The following MERTK variants were observed in gnomAD, a reference collection of about 807,000 sequenced individuals.
MERTK encodes MER proto-oncogene, tyrosine kinase, also known as tyrosine-protein kinase Mer.
A neutral mutation model predicts 99.3 loss-of-function variants in MERTK; 69 were observed. That is an observed-to-expected ratio of 0.70 (90% CI 0.57 to 0.85). The LOEUF (loss-of-function observed/expected upper bound fraction) is 0.85, where lower values mean the gene tolerates loss of function less well. MERTK is among the 40% of genes least tolerant of loss of function. The pLI is 0.00. For synonymous variants in MERTK, 426 were observed against 467.6 expected (o/e 0.91, Z 1.15); for missense variants, 1,125 against 1,249.4 (o/e 0.90, Z 1.50).
At chr2:111,899,906 T>G (rs1454702070) in intron 1 of MERTK, among the ~76,000 whole-genome samples, 1 of 151,488 alleles carries the variant, frequency 6.6e-6, no homozygotes, top group African/African-American at 2.4e-5. Flanking sequence ...ATTTGGGGAG[T>G]GAGTGATGAA....
Position 111,982,930 on chromosome 2 carries a change from G to C in MERTK, c.1233G>C (p.Lys411Asn), listed in dbSNP as rs762917462. ...TCAGATGGATGAAGCCTCCGACTAA[G>C]CAGCAGGATGGAGAACTGGTGGGCT... ...VDIRWMKPPT[K>N]QQDGELVGYR... is the part of the protein sequence containing the mutation. Residue 411 changes from lysine (K) to asparagine (N), a missense_variant, in exon 8 of 19, where the codon AAG becomes AAC. Coordinates refer to ENST00000295408, the MANE Select transcript of MERTK (RefSeq NM_006343.3). 4.3e-6 allele frequency: 7 copies of C among 1,614,032 alleles called. No individual in the cohort carries two copies. In the African/African-American group the frequency reaches 9.3e-5, roughly 22 times the overall value.
chr2:111,978,156 T>G (rs1473053278), intron 7 of MERTK, among the ~76,000 whole-genome samples: 14 of 144,902 alleles, frequency 9.7e-5, no homozygotes, highest in Non-Finnish European at 4.6e-5. Flanking sequence ...TTGTTTTTTG[T>G]TTTTTTTTTT....
chr2:112,011,932 A>T (rs1282197655), intron 15 of MERTK, among the ~76,000 whole-genome samples: 3 of 152,108 alleles, frequency 2.0e-5, no homozygotes, highest in African/African-American at 7.2e-5. Flanking sequence ...ACAATTGGTT[A>T]TTCACAGTGA....
intron 6 of MERTK, among the ~76,000 whole-genome samples, chr2:111,972,737 A>G (rs577129018): frequency 6.6e-6 from 1 of 152,330 alleles, no homozygotes; most frequent in African/African-American, 2.4e-5. Flanking sequence ...GTTAAACTGC[A>G]TGAATAATGT....
chr2:111,982,654 C>T (rs191668792), intron 7 of MERTK, among the ~76,000 whole-genome samples, 188 bp from the exon 8 acceptor site: 3 of 152,284 alleles, frequency 2.0e-5, no homozygotes, highest in Admixed American at 1.3e-4. Context: ...AAAGGGCTCA[C>T]TTATTTAAAA....
At chr2:111,952,260 C>T (rs1685071986) in intron 4 of MERTK, 1 of 161,328 alleles carries the variant, frequency 6.2e-6, no homozygotes, top group Non-Finnish European at 1.4e-5. Context: ...ATCAATCTGA[C>T]AGTGTTCATA....
intron 18 of MERTK, among the ~76,000 whole-genome samples, chr2:112,023,742 C>A (rs1250284048): frequency 6.6e-6 from 1 of 152,156 alleles, no homozygotes; most frequent in African/African-American, 2.4e-5. Flanking sequence ...AGTCTCCTCC[C>A]TGTATAATAA....
intron 9 of MERTK, 101 bp downstream of exon 9, chr2:111,994,505 G>T: frequency 6.6e-7 from 1 of 1,518,882 alleles, no homozygotes. Flanking sequence ...ATTAAAGAAT[G>T]AAAAATAAGG....
rs115355426 is a variant in MERTK at position 111,919,865 on chromosome 2, C to G, written c.62-9255C>G. Among the ~76,000 whole-genome samples the G allele has an allele frequency of 5.2e-3, 785 of 149,676 alleles. 6 individuals carry two copies. The highest frequency in any genetic ancestry group is 0.019 in the African/African-American group (758 of 40,598). ...CAGGGGCAGTAGGAAGGTCACCCCA[C>G]TGATAAGCAAGCCCCTTGTGCTTTT... On this transcript the variant is annotated intron_variant, in intron 1 of 18. Coordinates refer to ENST00000295408, the MANE Select transcript of MERTK (RefSeq NM_006343.3).
chr2:112,002,118 T>C (rs1274348753), intron 11 of MERTK, among the ~76,000 whole-genome samples: 1 of 152,110 alleles, frequency 6.6e-6, no homozygotes, highest in Non-Finnish European at 1.5e-5. Context: ...TTAACTGTGG[T>C]CCAGACTGAA....
chr2:111,941,684 A>T (rs1230742367), intron 2 of MERTK, among the ~76,000 whole-genome samples: 1 of 151,438 alleles, frequency 6.6e-6, no homozygotes, highest in Non-Finnish European at 1.5e-5. Context: ...TTTCCCTTGG[A>T]TGTCTAGAAA....
chr2:111,921,842 T>A (rs902636808), intron 1 of MERTK, among the ~76,000 whole-genome samples: 2 of 152,104 alleles, frequency 1.3e-5, no homozygotes, highest in Non-Finnish European at 1.5e-5. Flanking sequence ...ATCCTCCCGC[T>A]TCGGCCTCCC....
chr2:111,961,156 CTTTTTTTTTT>C (rs1052197732), intron 4 of MERTK, among the ~76,000 whole-genome samples: 5 of 98,054 alleles, frequency 5.1e-5, no homozygotes, highest in South Asian at 3.5e-4. Flanking sequence ...AATTTTCTTT[CTTTTTTTTTT>C]TTTTTTTTTT....
intron 2 of MERTK, among the ~76,000 whole-genome samples, chr2:111,938,264 G>GT (rs34969300): frequency 0.53 from 80,220 of 151,320 alleles, 21,461 homozygotes; most frequent in Middle Eastern, 0.57. Context: ...TTTGTTGTTT[G>GT]TTTTTTTGTA....
intron 4 of MERTK, chr2:111,952,647 T>A (rs1341805202): frequency 2.0e-5 from 3 of 152,230 alleles, no homozygotes; most frequent in Non-Finnish European, 4.4e-5. Flanking sequence ...GAATCCACAG[T>A]ACCACATGCT....
intron 11 of MERTK, among the ~76,000 whole-genome samples, chr2:112,002,763 C>G (rs1260089279): frequency 1.3e-5 from 2 of 152,150 alleles, no homozygotes; most frequent in African/African-American, 4.8e-5. Flanking sequence ...CACTTGAGGT[C>G]AGGAGTTCGA....
At chr2:111,992,567 A>G (rs1676645402) in intron 8 of MERTK, among the ~76,000 whole-genome samples, 1 of 152,040 alleles carries the variant, frequency 6.6e-6, no homozygotes, top group Non-Finnish European at 1.5e-5. Context: ...CATGGCCAAC[A>G]TGGTGAAACC....
At chr2:111,996,999 G>T in intron 9 of MERTK, 1 of 347,094 alleles carries the variant, frequency 2.9e-6, no homozygotes. Context: ...TTTCTTGTAC[G>T]TGTATAATGA....
chr2:112,010,926 G>A (rs1016319898), intron 15 of MERTK, among the ~76,000 whole-genome samples: 10 of 152,162 alleles, frequency 6.6e-5, no homozygotes, highest in African/African-American at 2.4e-4. Context: ...TGTGGGAACA[G>A]GGTGTGGCTG....
Sources: allele counts gnomAD v4.1 joint callset (sites outside exome capture counted in the v4.1 genomes callset), GRCh38; gene constraint gnomAD v4.1.1; transcripts MANE v1.5; gene names NCBI Gene and HGNC (gene_info 2026-07-23, HGNC 2026-07-21).